Variants in SLC25A21 observed in about 807,000 individuals in gnomAD.
SLC25A21 encodes solute carrier family 25 member 21, also known as mitochondrial 2-oxodicarboxylate carrier.
In SLC25A21, 47 loss-of-function variants were observed where a neutral mutation model predicts 43.8. The ratio of observed to expected loss-of-function variants is 1.07; its 90% confidence interval spans 0.85 to 1.37. The LOEUF (loss-of-function observed/expected upper bound fraction) is 1.37. Ranked by LOEUF, SLC25A21 falls within the 40% of genes most tolerant of loss-of-function variation. SLC25A21 has a pLI of 0.00. For missense variants in SLC25A21, 352 were observed against 350.2 expected, an observed-to-expected ratio of 1.00 and a Z score of -0.04; for synonymous variants, 131 against 121.3, an observed-to-expected ratio of 1.08 and a Z score of -0.52.
intron 1 of SLC25A21, among the ~76,000 whole-genome samples, chr14:37,002,711 A>T (rs560667013): frequency 5.3e-5 from 8 of 151,832 alleles, no homozygotes; most frequent in Non-Finnish European, 1.2e-4. Context: ...TAAAATGATT[A>T]CAAACTGTAC....
At chr14:36,712,184 G>A (rs777944184) in intron 6 of SLC25A21, among the ~76,000 whole-genome samples, 1 of 152,118 alleles carries the variant, frequency 6.6e-6, no homozygotes, top group Non-Finnish European at 1.5e-5. Flanking sequence ...TGGCTGAAGA[G>A]CTCACTGCTG....
chr14:36,981,281 G>A (rs758131536), intron 1 of SLC25A21, among the ~76,000 whole-genome samples: 1 of 152,156 alleles, frequency 6.6e-6, no homozygotes, highest in Non-Finnish European at 1.5e-5. Flanking sequence ...ACAGCGTGGC[G>A]ATTCCTCAAG....
At chr14:36,694,323 T>C (rs1189128883) in intron 7 of SLC25A21, among the ~76,000 whole-genome samples, 8 of 152,220 alleles carry the variant, frequency 5.3e-5, no homozygotes, top group East Asian at 3.8e-4. Flanking sequence ...TGATGGACAT[T>C]TGGGTTGGTT....
chr14:36,788,247 G>A (rs375247174), intron 3 of SLC25A21, among the ~76,000 whole-genome samples: 3 of 151,936 alleles, frequency 2.0e-5, no homozygotes, highest in South Asian at 2.1e-4. Flanking sequence ...TGTCCATTAC[G>A]GATGGGTCTT....
chr14:36,702,756 G>A (rs1300767111), intron 7 of SLC25A21, among the ~76,000 whole-genome samples: 1 of 152,154 alleles, frequency 6.6e-6, no homozygotes, highest in African/African-American at 2.4e-5. Flanking sequence ...TACAGTAGAT[G>A]CACCATGAAT....
At chr14:36,821,572 T>A (rs1404746665) in intron 2 of SLC25A21, among the ~76,000 whole-genome samples, 1 of 152,142 alleles carries the variant, frequency 6.6e-6, no homozygotes, top group Non-Finnish European at 1.5e-5. Flanking sequence ...ATCCCACCAC[T>A]TTGGGAGGCC....
chr14:36,968,657 T>C (rs1959675438), intron 1 of SLC25A21, among the ~76,000 whole-genome samples: 1 of 152,136 alleles, frequency 6.6e-6, no homozygotes, highest in African/African-American at 2.4e-5. Context: ...TCCAACTGTT[T>C]TGTCTCCTGA....
Position 36,734,517 on chromosome 14 carries a change from C to T in SLC25A21, c.260G>A (p.Arg87Lys), listed in dbSNP as rs1315310184. 1 of 1,607,174 alleles carries T rather than the reference C, an allele frequency of 6.2e-7. No homozygotes were observed. Among genetic ancestry groups the T allele is most frequent in the East Asian group, 2.2e-5 (1 of 44,740 alleles). ...LPPILAETPK[R>K]AVKFFTFEQY... Reference sequence around the variant, plus strand: ...GCATGCAATGCTTACCTTCACTGCTCTTTTTGGGGTTTCAGCCAAGATAGG... The same window carrying T: ...GCATGCAATGCTTACCTTCACTGCTTTTTTTGGGGTTTCAGCCAAGATAGG... Residue 87 changes from arginine to lysine, a missense_variant, in exon 4 of 10, where the codon AGA becomes AAA. By Grantham distance (26) the Arg-to-Lys change is conservative (BLOSUM62 2). Coordinates refer to ENST00000331299, the MANE Select transcript of SLC25A21 (RefSeq NM_030631.4).
At chr14:37,108,648 T>C (rs1962959402) in intron 1 of SLC25A21, among the ~76,000 whole-genome samples, 1 of 151,724 alleles carries the variant, frequency 6.6e-6, no homozygotes, top group African/African-American at 2.4e-5. Context: ...CAGTAATGAG[T>C]TGAAATTCAG....
At chr14:36,979,426 G>A (rs1478112438) in intron 1 of SLC25A21, among the ~76,000 whole-genome samples, 4 of 151,704 alleles carry the variant, frequency 2.6e-5, no homozygotes, top group African/African-American at 9.7e-5. Flanking sequence ...CGTGATAGTG[G>A]CTCACTGCAG....
chr14:36,835,491 G>A (rs1327884833), intron 2 of SLC25A21, among the ~76,000 whole-genome samples: 2 of 152,162 alleles, frequency 1.3e-5, no homozygotes, highest in Non-Finnish European at 2.9e-5. Context: ...TAGGGCCCCT[G>A]CCTGGGCTGC....
chr14:36,838,399 A>G (rs1204322101), intron 2 of SLC25A21, among the ~76,000 whole-genome samples: 2 of 152,214 alleles, frequency 1.3e-5, no homozygotes, highest in Admixed American at 6.5e-5. Context: ...TGTGAAGCAC[A>G]CTGGGACACA....
intron 1 of SLC25A21, among the ~76,000 whole-genome samples, chr14:36,973,622 T>C (rs1959804382): frequency 6.6e-6 from 1 of 152,210 alleles, no homozygotes; most frequent in African/African-American, 2.4e-5. Flanking sequence ...CTCCTAGAGT[T>C]GAAAAGCAAA....
chr14:37,121,852 T>C (rs567088036), intron 1 of SLC25A21, among the ~76,000 whole-genome samples: 24 of 152,216 alleles, frequency 1.6e-4, no homozygotes, highest in African/African-American at 5.8e-4. Context: ...GAGTGGGGAA[T>C]TCACGCCGGA....
rs1004421384 is a variant in SLC25A21 at position 37,084,643 on chromosome 14, G to A, written c.70+87638C>T. Among the ~76,000 whole-genome samples, 4 of 152,016 alleles carry A rather than the reference G, an allele frequency of 2.6e-5. No homozygotes were observed. In the East Asian group the frequency reaches 5.8e-4, roughly 22 times the overall value. On this transcript the variant is annotated intron_variant, in intron 1 of 9. Transcript: ENST00000331299. ...TTTGGAGAACTCTAGTTATATAGTC[G>A]GTCCCCAACAGACACAGTCATAAAT...
intron 1 of SLC25A21, among the ~76,000 whole-genome samples, chr14:37,131,630 A>C (rs1209757949): frequency 6.6e-6 from 1 of 152,178 alleles, no homozygotes; most frequent in Non-Finnish European, 1.5e-5. Context: ...AGGACTAAAC[A>C]CCTATATTAT....
chr14:37,024,248 C>T (rs575821102), intron 1 of SLC25A21, among the ~76,000 whole-genome samples: 1 of 152,180 alleles, frequency 6.6e-6, no homozygotes, highest in African/African-American at 2.4e-5. Context: ...ACTGAGCCAC[C>T]TGTTTAATAC....
At chr14:36,751,146 C>T (rs1166453092) in intron 3 of SLC25A21, among the ~76,000 whole-genome samples, 1 of 152,212 alleles carries the variant, frequency 6.6e-6, no homozygotes, top group Non-Finnish European at 1.5e-5. Context: ...ATTAATATTT[C>T]ATTACACCTC....
intron 1 of SLC25A21, among the ~76,000 whole-genome samples, chr14:37,042,344 A>G (rs566698108): frequency 6.6e-6 from 1 of 152,318 alleles, no homozygotes; most frequent in East Asian, 1.9e-4. Context: ...ATTGTTTCCA[A>G]AACACCCTCC....
Sources: allele counts gnomAD v4.1 joint callset (sites outside exome capture counted in the v4.1 genomes callset), GRCh38; gene constraint gnomAD v4.1.1; transcripts MANE v1.5; gene names NCBI Gene and HGNC (gene_info 2026-07-23, HGNC 2026-07-21).